Variants in FANCB observed in about 807,000 individuals in gnomAD.
FANCB encodes the protein Fanconi anemia group B protein.
FANCB carries 5 observed loss-of-function variants against 38.9 expected under a neutral mutation model. The ratio of observed to expected loss-of-function variants is 0.13; its 90% CI spans 0.07 to 0.27. The LOEUF is 0.27. Among genes scored for constraint, FANCB ranks in the 10% least tolerant of loss-of-function variants. FANCB has a pLI of 1.00. For missense variants in FANCB, 573 were observed against 602.7 expected, an observed-to-expected ratio of 0.95 and a Z score of 0.52; for synonymous variants, 236 against 215.4, an observed-to-expected ratio of 1.10 and a Z score of -0.84.
At chrX:14,859,885 A>T (rs1229554567) in intron 3 of FANCB, among the ~76,000 whole-genome samples, 1 of 111,514 alleles carries the variant, frequency 9.0e-6, no homozygotes, top group African/African-American at 3.3e-5. Flanking sequence ...AATGGAAAAT[A>T]ACCTATAATA....
chrX:14,774,472 T>C, the FANCB span, among the ~76,000 whole-genome samples: 1 of 111,969 alleles, frequency 8.9e-6, no homozygotes, highest in Admixed American at 9.5e-5. Context: ...TTTTAATCAA[T>C]GGCAATAGGG....
At chrX:14,731,137 C>T in the FANCB span, 1 of 111,822 alleles carries the variant, frequency 8.9e-6, no homozygotes, top group Non-Finnish European at 1.9e-5. Flanking sequence ...TCTACTTATC[C>T]AGTAAATAAC....
At chrX:14,738,521 G>A in the FANCB span, among the ~76,000 whole-genome samples, 1 of 111,906 alleles carries the variant, frequency 8.9e-6, no homozygotes, top group Non-Finnish European at 1.9e-5. Flanking sequence ...GGTGAAGGAG[G>A]ATATGCTGTG....
the FANCB span, among the ~76,000 whole-genome samples, chrX:14,764,270 C>T: frequency 9.0e-6 from 1 of 110,565 alleles, no homozygotes. Flanking sequence ...TGCAGCTGTA[C>T]GACTGAGATC....
chrX:14,753,401 T>G, the FANCB span, among the ~76,000 whole-genome samples: 1 of 112,743 alleles, frequency 8.9e-6, no homozygotes, highest in South Asian at 3.6e-4. Flanking sequence ...ATTATTTATC[T>G]AGGTTATACG....
the FANCB span, among the ~76,000 whole-genome samples, chrX:14,765,457 AATC>A: frequency 1.7e-4 from 19 of 112,479 alleles, no homozygotes; most frequent in African/African-American, 6.1e-4. Context: ...TATGAGATAC[AATC>A]ATCAAGAACA....
At chrX:14,798,919 A>C in the FANCB span, among the ~76,000 whole-genome samples, 5 of 112,059 alleles carry the variant, frequency 4.5e-5, no homozygotes, top group Admixed American at 9.4e-5. Context: ...AAGGGCCAAT[A>C]AGATCCTAAA....
At chrX:14,824,984 A>G in the FANCB span, among the ~76,000 whole-genome samples, 1 of 111,686 alleles carries the variant, frequency 9.0e-6, no homozygotes, top group Non-Finnish European at 1.9e-5. Flanking sequence ...TTTGAAGCAA[A>G]TTTTTGCTAG....
At chrX:14,850,926 A>G (rs1172777722) in intron 6 of FANCB, among the ~76,000 whole-genome samples, 4 of 110,922 alleles carry the variant, frequency 3.6e-5, no homozygotes, top group Non-Finnish European at 7.6e-5. Flanking sequence ...TCCAACAAAG[A>G]GCCAAAAGGG....
intron 7 of FANCB, among the ~76,000 whole-genome samples, chrX:14,846,994 TG>T (rs1396586825): frequency 2.7e-5 from 3 of 109,883 alleles, no homozygotes; most frequent in Non-Finnish European, 5.7e-5. Flanking sequence ...CTGATAATTT[TG>T]GGGGGGTAAT....
the FANCB span, among the ~76,000 whole-genome samples, chrX:14,717,204 A>AC: frequency 9.1e-6 from 1 of 110,135 alleles, no homozygotes; most frequent in East Asian, 2.9e-4. Context: ...AACTGGGGGC[A>AC]CCCTCCAAGT....
the FANCB span, among the ~76,000 whole-genome samples, chrX:14,796,693 TACACACACAC>T: frequency 1.1e-5 from 1 of 92,123 alleles, no homozygotes; most frequent in African/African-American, 4.0e-5. Context: ...CGTCTATATA[TACACACACAC>T]ACACACACAC....
intron 1 of FANCB, chrX:14,869,262 T>C (rs1258545379): frequency 8.9e-6 from 1 of 111,933 alleles, no homozygotes; most frequent in East Asian, 2.8e-4. Context: ...ATCACCTCTG[T>C]ATGAATTTTA....
At chrX:14,800,209 A>T in the FANCB span, among the ~76,000 whole-genome samples, 2 of 111,730 alleles carry the variant, frequency 1.8e-5, no homozygotes, top group Non-Finnish European at 3.8e-5. Flanking sequence ...TATGAAGAAC[A>T]CTCATGTCTA....
chrX:14,733,143 T>C, the FANCB span, among the ~76,000 whole-genome samples: 3 of 112,278 alleles, frequency 2.7e-5, no homozygotes, highest in Middle Eastern at 4.6e-3. Context: ...TCCCCATTTC[T>C]TGTTTTTGGC....
At chrX:14,710,738 A>G in the FANCB span, among the ~76,000 whole-genome samples, 31 of 111,956 alleles carry the variant, frequency 2.8e-4, no homozygotes, top group Non-Finnish European at 4.3e-4. Flanking sequence ...CCATAGCAGG[A>G]CATAGCTTAT....
the FANCB span, among the ~76,000 whole-genome samples, chrX:14,719,534 A>G: frequency 8.9e-6 from 1 of 112,159 alleles, no homozygotes; most frequent in Admixed American, 9.5e-5. Context: ...AATAGCTATT[A>G]TCAAAAAGAC....
the FANCB span, among the ~76,000 whole-genome samples, chrX:14,829,243 A>G: frequency 8.9e-6 from 1 of 111,885 alleles, no homozygotes; most frequent in African/African-American, 3.3e-5. Flanking sequence ...CAGTGGGCTT[A>G]AAATATTCAA....
the FANCB span, among the ~76,000 whole-genome samples, chrX:14,750,594 G>C: frequency 9.0e-6 from 1 of 110,837 alleles, no homozygotes; most frequent in Admixed American, 9.6e-5. Context: ...GTTGTTCCTG[G>C]TTTGCCAGGA....
Sources: gnomAD v4.1 joint callset for allele counts (sites outside exome capture counted in the v4.1 genomes callset) on GRCh38, gnomAD v4.1.1 for gene constraint, MANE v1.5 for transcripts, NCBI Gene and HGNC (gene_info 2026-07-23, HGNC 2026-07-21) for gene names.